The following FJX1 variants were observed in gnomAD, a reference collection of about 807,000 sequenced individuals.
FJX1 encodes four-jointed box protein 1.
A neutral mutation model predicts 28.7 loss-of-function variants in FJX1; 21 were observed. That is an observed-to-expected ratio of 0.73 (90% CI 0.52 to 1.05). FJX1 has a LOEUF of 1.05. FJX1 is among the 50% of genes least tolerant of loss of function. The probability of loss-of-function intolerance (pLI) is 0.00; values close to 1 mark genes in which losing one functional copy is unlikely to be tolerated. For synonymous variants in FJX1, 363 were observed against 310.0 expected, an observed-to-expected ratio of 1.17 and a Z score of -1.80; for missense variants, 683 against 647.2, an observed-to-expected ratio of 1.06 and a Z score of -0.60.
Position 35,619,335 on chromosome 11 carries a change from C to T in FJX1, c.699C>T (p.His233=), listed in dbSNP as rs552298809. The T allele has an allele frequency of 6.4e-7, 1 of 1,569,656 alleles. No homozygotes were observed. Among genetic ancestry groups the T allele is most frequent in the South Asian group, 1.1e-5 (1 of 87,980 alleles). Residue 233 remains histidine, a synonymous_variant, in exon 1 of 1, where the codon CAC becomes CAT. Coordinates refer to ENST00000317811, the MANE Select transcript of FJX1 (RefSeq NM_014344.4). The surrounding 1 kb of genome is among the most constrained non-coding windows in gnomAD (Gnocchi z 7.6). Reference sequence around the variant, plus strand: ...TGCAGGAGGAGCTGCGCGCTGCGCACTGGACCGAGGGCAGCGTGGTGAGCC... The same window carrying T: ...TGCAGGAGGAGCTGCGCGCTGCGCATTGGACCGAGGGCAGCGTGGTGAGCC... ...AQVQEELRAA[H]WTEGSVVSLT... is the part of the protein sequence containing the mutation.
rs1850882219 is a variant in FJX1 at position 35,620,082 on chromosome 11, T to C, written c.*132T>C. 1 of 1,335,664 alleles carries C rather than the reference T, an allele frequency of 7.5e-7. No homozygotes were observed. Among genetic ancestry groups the C allele is most frequent in the Non-Finnish European group, 1.0e-6 (1 of 977,838 alleles). The allele number at this position is 1,335,664 out of a possible 1,614,324, so 82.7% of individuals were successfully genotyped here. On this transcript the variant is annotated 3_prime_UTR_variant, in exon 1 of 1. Transcript: ENST00000317811. ...CAAAGGTGTCTAAAAACTTCAGCTT[T>C]TCACCCACCTGCCCCTTTCTTTCAA...
In FJX1 at chr11:35,619,826, C is replaced by G; in HGVS notation, c.1190C>G (p.Pro397Arg). Reference sequence around the variant, plus strand: ...CTGCGCCTCTACCGGCGCCACGAGCCTCGCTTCCCCGAGCTGGCCGCCCTT... The same window carrying G: ...CTGCGCCTCTACCGGCGCCACGAGCGTCGCTTCCCCGAGCTGGCCGCCCTT... ...RLLRLYRRHE[P>R]RFPELAALAD... The change falls in exon 1 of 1, where the codon CCT becomes CGT. Residue 397 changes from proline to arginine, a missense_variant. Transcript: ENST00000317811. This position sits in a 1 kb window ranked among gnomAD's most constrained non-coding sequence, Gnocchi z 7.6. 1 of 1,551,772 alleles carries G rather than the reference C, an allele frequency of 6.4e-7. No individual in the cohort carries two copies. The highest frequency in any genetic ancestry group is 1.2e-5 in the South Asian group (1 of 84,196).
Position 35,618,808 on chromosome 11 carries a change from C to T in FJX1, c.172C>T (p.Pro58Ser). Residue 58 changes from proline (P) to serine (S), a missense_variant, in exon 1 of 1, where the codon CCC (proline) becomes TCC (serine). Physicochemically the swap from Pro to Ser is moderately conservative, Grantham distance 74 (BLOSUM62 -1). Transcript: ENST00000317811. This position sits in a 1 kb window ranked among gnomAD's most constrained non-coding sequence, Gnocchi z 4.2. Reference protein sequence around the residue: ...RRPARSGGPAPAPRFPLPPPL... With the variant: ...RRPARSGGPASAPRFPLPPPL... The stretch of plus-strand genomic sequence containing the variant: ...CCCGGCCCGGAGCGGCGGCCCCGCG[C>T]CCGCGCCTCGCTTCCCTCTGCCCCC... The T allele has an allele frequency of 1.6e-6, 2 of 1,261,048 alleles. 1 individual carries two copies. The highest frequency in any genetic ancestry group is 5.7e-5 in the South Asian group (2 of 35,368). The allele number at this position is 1,261,048 out of a possible 1,614,324, so 78.1% of individuals were successfully genotyped here.
Position 35,618,919 on chromosome 11 carries a change from C to T in FJX1, c.283C>T (p.Arg95Trp). The change falls in exon 1 of 1, where the codon CGG becomes TGG. Residue 95 changes from arginine to tryptophan, a missense_variant. Physicochemically the swap from Arg to Trp is moderately radical, Grantham distance 101. Coordinates refer to ENST00000317811, the MANE Select transcript of FJX1 (RefSeq NM_014344.4). This position sits in a 1 kb window ranked among gnomAD's most constrained non-coding sequence, Gnocchi z 4.2. ...GGCGGCCGGCGCGGACGGCCCGCCC[C>T]GGCAGTCCCGGAGCGAGCCCAGGTG... ...TLAAGADGPP[R>W]QSRSEPRWHV... 1 of 1,422,184 alleles carries T rather than the reference C, an allele frequency of 7.0e-7. No individual in the cohort carries two copies. The allele number at this position is 1,422,184 out of a possible 1,614,324, so 88.1% of individuals were successfully genotyped here.
Position 35,620,296 on chromosome 11 carries a change from G to GC in FJX1, c.*353dup, listed in dbSNP as rs3832737. On this transcript the variant is annotated 3_prime_UTR_variant, in exon 1 of 1. Coordinates refer to ENST00000317811, the MANE Select transcript of FJX1 (RefSeq NM_014344.4). ...TGTGGGAGATGCACCCCATTCTTGG[G>GC]CCCCCCCTCATTCCCTTTCCGAAAA... is the stretch of plus-strand genomic sequence containing the variant. The GC allele has an allele frequency of 5.5e-5, 21 of 384,140 alleles. No homozygotes were observed. The highest frequency in any genetic ancestry group is 1.4e-4 in the Admixed American group (3 of 21,488). The allele number at this position is 384,140 out of a possible 1,614,324, so 23.8% of individuals were successfully genotyped here.
In FJX1 at chr11:35,619,489, G is replaced by A. The variant is rs776978610; in HGVS notation, c.853G>A (p.Asp285Asn). Reference sequence around the variant, plus strand: ...CAACCTCAGCCAGGCGGAGCTGGTGGACCTAGTACAATGGACCGACTTAAT... The same window carrying A: ...CAACCTCAGCCAGGCGGAGCTGGTGAACCTAGTACAATGGACCGACTTAAT... ...LANLSQAELV[D>N]LVQWTDLILF... The change falls in exon 1 of 1, where the codon GAC (aspartate) becomes AAC (asparagine). Residue 285 changes from aspartate (D) to asparagine (N), a missense_variant. Physicochemically the swap from Asp to Asn is conservative, Grantham distance 23. Coordinates refer to ENST00000317811, the MANE Select transcript of FJX1 (RefSeq NM_014344.4). The surrounding 1 kb of genome is among the most constrained non-coding windows in gnomAD (Gnocchi z 7.6). 1 of 1,599,430 alleles carries A rather than the reference G, an allele frequency of 6.3e-7. No individual in the cohort carries two copies. The highest frequency in any genetic ancestry group is 8.5e-7 in the Non-Finnish European group (1 of 1,179,742).
Position 35,619,115 on chromosome 11 carries a change from G to A in FJX1, c.479G>A (p.Gly160Asp). The change falls in exon 1 of 1, where the codon GGT (glycine) becomes GAT (aspartate). Residue 160 changes from glycine (G) to aspartate (D), a missense_variant. Coordinates refer to ENST00000317811, the MANE Select transcript of FJX1 (RefSeq NM_014344.4). This position sits in a 1 kb window ranked among gnomAD's most constrained non-coding sequence, Gnocchi z 7.6. ...CGGATGGTGGCCCTGGAGCGCGGGG[G>A]TTGCGGGCGCAGCTCCAACCGACTG... ...GARMVALERG[G>D]CGRSSNRLAR... 3 of 1,534,480 alleles carry A rather than the reference G, an allele frequency of 2.0e-6. No individual in the cohort carries two copies. The highest frequency in any genetic ancestry group is 2.6e-6 in the Non-Finnish European group (3 of 1,152,682).
chr11:35,620,038 G>A lies in FJX1; in HGVS notation c.*88G>A. The A allele has an allele frequency of 6.6e-7, 1 of 1,517,064 alleles. No homozygotes were observed. Among genetic ancestry groups the A allele is most frequent in the Non-Finnish European group, 8.8e-7 (1 of 1,133,156 alleles). 94.0% of individuals were successfully genotyped at this position (1,517,064 alleles called of 1,614,324 possible). On this transcript the variant is annotated 3_prime_UTR_variant, in exon 1 of 1. Coordinates refer to ENST00000317811, the MANE Select transcript of FJX1 (RefSeq NM_014344.4). The stretch of plus-strand genomic sequence containing the variant: ...TCGCCTCTGCCACTGTCAGGGACCA[G>A]CCGGCCAACGCCCACCCGCAAAGGT...
chr11:35,618,465 CCAG>C lies in FJX1; in HGVS notation c.-170_-168del. ...TGGGAAGCGGCGGGGACTCGAGTTC[CCAG>C]CGCCGGGCGGAGCGCCGGACAGAGC... On this transcript the variant is annotated 5_prime_UTR_variant, in exon 1 of 1. Transcript: ENST00000317811. This position sits in a 1 kb window ranked among gnomAD's most constrained non-coding sequence, Gnocchi z 4.2. The C allele has an allele frequency of 1.8e-6, 1 of 546,362 alleles. No homozygotes were observed. 33.8% of individuals were successfully genotyped at this position (546,362 alleles called of 1,614,324 possible).
Position 35,619,696 on chromosome 11 carries a change from GAC to G in FJX1, c.1062_1063del (p.Asp354GlufsTer3). On this transcript the variant is annotated frameshift_variant, in exon 1 of 1. Coordinates refer to ENST00000317811, the MANE Select transcript of FJX1 (RefSeq NM_014344.4). LOFTEE classifies it high-confidence loss of function. The surrounding 1 kb of genome is among the most constrained non-coding windows in gnomAD (Gnocchi z 7.6). ...CGGCTACCGGGTAGCAGGCATGTGG[GAC>G]AAGTATAACGAGCCGCTGTTGCAGT... The part of the protein sequence containing the change: ...VHGYRVAGMW[D>X]KYNEPLLQSV... 1 of 1,602,108 alleles carries G rather than the reference GAC, an allele frequency of 6.2e-7. No individual in the cohort carries two copies. The highest frequency in any genetic ancestry group is 8.5e-7 in the Non-Finnish European group (1 of 1,176,046).
chr11:35,619,335 C>CTGGACCGAGGGCAGCG lies in FJX1; in HGVS notation c.703_718dup (p.Val240AspfsTer40), dbSNP rs1565388705. On this transcript the variant is annotated frameshift_variant, in exon 1 of 1. Coordinates refer to ENST00000317811, the MANE Select transcript of FJX1 (RefSeq NM_014344.4). LOFTEE classifies it high-confidence loss of function. The surrounding 1 kb of genome is among the most constrained non-coding windows in gnomAD (Gnocchi z 7.6). ...TGCAGGAGGAGCTGCGCGCTGCGCA[C>CTGGACCGAGGGCAGCG]TGGACCGAGGGCAGCGTGGTGAGCC... 1 of 1,569,656 alleles carries CTGGACCGAGGGCAGCG rather than the reference C, an allele frequency of 6.4e-7. No individual in the cohort carries two copies. Among genetic ancestry groups the CTGGACCGAGGGCAGCG allele is most frequent in the East Asian group, 2.3e-5 (1 of 42,848 alleles).
At position 35,618,790 on chromosome 11, in the gene FJX1, C is replaced by G; in HGVS notation, c.154C>G (p.Arg52Gly). Residue 52 changes from arginine to glycine, a missense_variant, in exon 1 of 1, where the codon CGG becomes GGG. Physicochemically the swap from Arg to Gly is moderately radical, Grantham distance 125 (BLOSUM62 -2). Coordinates refer to ENST00000317811, the MANE Select transcript of FJX1 (RefSeq NM_014344.4). This position sits in a 1 kb window ranked among gnomAD's most constrained non-coding sequence, Gnocchi z 4.2. Reference sequence around the variant, plus strand: ...AGACCGACTCCCACGGCGCCCGGCCCGGAGCGGCGGCCCCGCGCCCGCGCC... The same window carrying G: ...AGACCGACTCCCACGGCGCCCGGCCGGGAGCGGCGGCCCCGCGCCCGCGCC... ...PEDRLPRRPA[R>G]SGGPAPAPRF... is the part of the protein sequence containing the mutation. 1.6e-6 allele frequency: 2 copies of G among 1,247,158 alleles called. No homozygotes were observed. Among genetic ancestry groups the G allele is most frequent in the Non-Finnish European group, 2.0e-6 (2 of 996,102 alleles). 77.3% of individuals were successfully genotyped at this position (1,247,158 alleles called of 1,614,324 possible). A position where few individuals can be genotyped will look rare whatever the true frequency, so the allele number is the denominator to read the frequency against.
rs754926596 is a variant in FJX1, at chr11:35,619,277, G to C, written c.641G>C (p.Arg214Pro). ...CACGTGCCGCCGCTGGCACTGGCTC[G>C]GGTGGAGGCTCGGGGCGCGCAGTGG... The part of the protein sequence containing the change: ...QRHVPPLALA[R>P]VEARGAQWAQ... The change falls in exon 1 of 1, where the codon CGG (arginine) becomes CCG (proline). Residue 214 changes from arginine to proline, a missense_variant. Physicochemically the swap from Arg to Pro is moderately radical, Grantham distance 103. Coordinates refer to ENST00000317811, the MANE Select transcript of FJX1 (RefSeq NM_014344.4). This position sits in a 1 kb window ranked among gnomAD's most constrained non-coding sequence, Gnocchi z 7.6. 1.7e-4 allele frequency: 272 copies of C among 1,564,052 alleles called. No homozygotes were observed. Among genetic ancestry groups the C allele is most frequent in the Non-Finnish European group, 2.2e-4 (258 of 1,164,116 alleles).
At position 35,619,287 on chromosome 11, in the gene FJX1, T is replaced by A. The variant is rs935819715; in HGVS notation, c.651T>A (p.Ala217=). The change falls in exon 1 of 1, where the codon GCT becomes GCA. Residue 217 remains alanine, a synonymous_variant. Transcript: ENST00000317811. The surrounding 1 kb of genome is among the most constrained non-coding windows in gnomAD (Gnocchi z 7.6). Reference sequence around the variant, plus strand: ...CGCTGGCACTGGCTCGGGTGGAGGCTCGGGGCGCGCAGTGGGCGCAGGTGC... The same window carrying A: ...CGCTGGCACTGGCTCGGGTGGAGGCACGGGGCGCGCAGTGGGCGCAGGTGC... ...VPPLALARVE[A]RGAQWAQVQE... The A allele has an allele frequency of 3.2e-6, 5 of 1,558,234 alleles. No homozygotes were observed. The highest frequency in any genetic ancestry group is 4.3e-6 in the Non-Finnish European group (5 of 1,160,902).
rs1412867486 is a variant in FJX1, at chr11:35,618,559, G to C, written c.-78G>C. On this transcript the variant is annotated 5_prime_UTR_variant, in exon 1 of 1. Coordinates refer to ENST00000317811, the MANE Select transcript of FJX1 (RefSeq NM_014344.4). The surrounding 1 kb of genome is among the most constrained non-coding windows in gnomAD (Gnocchi z 4.2). The stretch of plus-strand genomic sequence containing the variant: ...AAGCCCCGGAGCCCACAAACTGCCG[G>C]GCCCGCCTCGCCGCCGGGACCCGGG... The C allele has an allele frequency of 1.9e-6, 2 of 1,077,846 alleles. No individual in the cohort carries two copies. The highest frequency in any genetic ancestry group is 2.2e-6 in the Non-Finnish European group (2 of 891,080). 66.8% of individuals were successfully genotyped at this position (1,077,846 alleles called of 1,614,324 possible).
At position 35,618,611 on chromosome 11, in the gene FJX1, C is replaced by T. The variant is rs1354558199; in HGVS notation, c.-26C>T. The stretch of plus-strand genomic sequence containing the variant: ...GCCTGGGCTCGGCTTGAAGCGGCGG[C>T]GGCGCACCGGCACAGCCGCGGGAGC... On this transcript the variant is annotated 5_prime_UTR_variant, in exon 1 of 1. Coordinates refer to ENST00000317811, the MANE Select transcript of FJX1 (RefSeq NM_014344.4). This position sits in a 1 kb window ranked among gnomAD's most constrained non-coding sequence, Gnocchi z 4.2. 2.7e-6 allele frequency: 3 copies of T among 1,107,076 alleles called. No individual in the cohort carries two copies. The highest frequency in any genetic ancestry group is 1.1e-6 in the Non-Finnish European group (1 of 910,760). 68.6% of individuals were successfully genotyped at this position (1,107,076 alleles called of 1,614,324 possible).
In FJX1 at chr11:35,620,637, T is replaced by C. The variant is rs915918577; in HGVS notation, c.*687T>C. The C allele has an allele frequency of 1.4e-4, 23 of 167,130 alleles. No individual in the cohort carries two copies. Among genetic ancestry groups the C allele is most frequent in the Admixed American group, 4.6e-4 (7 of 15,306 alleles). 10.4% of individuals were successfully genotyped at this position (167,130 alleles called of 1,614,324 possible). A position where few individuals can be genotyped will look rare whatever the true frequency, so the allele number is the denominator to read the frequency against. On this transcript the variant is annotated 3_prime_UTR_variant, in exon 1 of 1. Coordinates refer to ENST00000317811, the MANE Select transcript of FJX1 (RefSeq NM_014344.4). ...CAGCTGTATGCACTAAGTCAAATAA[T>C]GAATTTCTTCCTCCCTCTCGCAACC...
chr11:35,618,494 C>A lies in FJX1; in HGVS notation c.-143C>A. On this transcript the variant is annotated 5_prime_UTR_variant, in exon 1 of 1. Coordinates refer to ENST00000317811, the MANE Select transcript of FJX1 (RefSeq NM_014344.4). The surrounding 1 kb of genome is among the most constrained non-coding windows in gnomAD (Gnocchi z 4.2). ...CGCCGGGCGGAGCGCCGGACAGAGCCCCGCAGCGCCCCGCGGCCGCGATGG... is the reference window on the plus strand; with the variant it reads ...CGCCGGGCGGAGCGCCGGACAGAGCACCGCAGCGCCCCGCGGCCGCGATGG... The A allele has an allele frequency of 3.9e-6, 3 of 761,046 alleles. No homozygotes were observed. Among genetic ancestry groups the A allele is most frequent in the Non-Finnish European group, 4.9e-6 (3 of 609,888 alleles). 47.1% of individuals were successfully genotyped at this position (761,046 alleles called of 1,614,324 possible).
At position 35,620,351 on chromosome 11, in the gene FJX1, A is replaced by C; in HGVS notation, c.*401A>C. 3.4e-6 allele frequency: 1 copy of C among 296,208 alleles called. No homozygotes were observed. Among genetic ancestry groups the C allele is most frequent in the Non-Finnish European group, 6.7e-6 (1 of 148,550 alleles). 18.3% of individuals were successfully genotyped at this position (296,208 alleles called of 1,614,324 possible). ...AAACTTGCGTTTGAGCCGTTGAGCT[A>C]ATTCTGCAATTTTCTACCAAACAGA... On this transcript the variant is annotated 3_prime_UTR_variant, in exon 1 of 1. Transcript: ENST00000317811.
Sources: allele counts gnomAD v4.1 joint callset, GRCh38; gene constraint gnomAD v4.1.1; non-coding constraint Gnocchi (gnomAD v3.1); transcripts MANE v1.5; gene names NCBI Gene and HGNC (gene_info 2026-07-23, HGNC 2026-07-21).